The following SPTLC3 variants were observed in gnomAD, a reference collection of about 807,000 sequenced individuals.
SPTLC3 encodes serine palmitoyltransferase long chain base subunit 3.
A neutral mutation model predicts 59.3 loss-of-function variants in SPTLC3; 36 were observed. The observed-to-expected ratio is 0.61, with a 90% confidence interval of 0.47 to 0.80. The LOEUF (loss-of-function observed/expected upper bound fraction) is 0.80. Among genes scored for constraint, SPTLC3 ranks in the 30% least tolerant of loss-of-function variants. SPTLC3 has a pLI of 0.00. For missense variants in SPTLC3, 625 were observed against 685.1 expected (o/e 0.91, Z 0.98); for synonymous variants, 257 against 240.8 (o/e 1.07, Z -0.62).
At chr20:13,058,912 G>A (rs554890607) in intron 2 of SPTLC3, among the ~76,000 whole-genome samples, 94 of 152,198 alleles carry the variant, frequency 6.2e-4, no homozygotes, top group Middle Eastern at 3.4e-3. Context: ...ACCTTATTTC[G>A]AAGACCCAGC....
chr20:13,112,974 G>A (rs1274482157), intron 7 of SPTLC3, among the ~76,000 whole-genome samples: 2 of 152,154 alleles, frequency 1.3e-5, no homozygotes, highest in Admixed American at 6.6e-5. Flanking sequence ...CTTGAGGTTA[G>A]GAGTTCGAGA....
chr20:13,058,091 A>C (rs1190271351), intron 2 of SPTLC3, among the ~76,000 whole-genome samples: 4 of 152,204 alleles, frequency 2.6e-5, no homozygotes, highest in Non-Finnish European at 5.9e-5. Flanking sequence ...TAAATCACAG[A>C]CATTTCTGGC....
chr20:13,052,999 T>C (rs1987561240), intron 2 of SPTLC3, among the ~76,000 whole-genome samples: 1 of 152,158 alleles, frequency 6.6e-6, no homozygotes, highest in African/African-American at 2.4e-5. Flanking sequence ...GCCTGCTGGC[T>C]CTGAAGAGAG....
chr20:13,105,182 C>T (rs575129543), intron 6 of SPTLC3, among the ~76,000 whole-genome samples: 127 of 152,180 alleles, frequency 8.3e-4, no homozygotes, highest in Non-Finnish European at 1.8e-3. Flanking sequence ...AAGGTGGGGC[C>T]AGAATCCAGG....
chr20:13,164,954 C>A lies in SPTLC3; in HGVS notation c.*87C>A. The A allele has an allele frequency of 8.6e-7, 1 of 1,163,762 alleles. No individual in the cohort carries two copies. 72.1% of individuals were successfully genotyped at this position (1,163,762 alleles called of 1,614,324 possible). ...AAGGAATATAAATGGATTTCTCCCC[C>A]TTCCTCAGGACAATTTTGGTTCCCA... is the stretch of plus-strand genomic sequence containing the variant. On this transcript the variant is annotated 3_prime_UTR_variant, in exon 12 of 12. Coordinates refer to ENST00000399002, the MANE Select transcript of SPTLC3 (RefSeq NM_018327.4).
chr20:13,027,487 G>T (rs1011049263), intron 1 of SPTLC3, among the ~76,000 whole-genome samples: 1 of 151,974 alleles, frequency 6.6e-6, no homozygotes. Context: ...CAGACACGCC[G>T]ACTCTACATT....
In SPTLC3 at chr20:13,009,360, G is replaced by C. The variant is rs1261079757; in HGVS notation, c.93G>C (p.Lys31Asn). ...GCTCACAAAGCAGAAACTGCACAAA[G>C]AATGGAATAGTGAAGGAAGCCCAGG... Reference protein sequence around the residue: ...SNGSQSRNCTKNGIVKEAQQN... With the variant: ...SNGSQSRNCTNNGIVKEAQQN... The change falls in exon 1 of 12, where the codon AAG becomes AAC. Residue 31 changes from lysine to asparagine, a missense_variant. Physicochemically the swap from Lys to Asn is moderately conservative, Grantham distance 94. Coordinates refer to ENST00000399002, the MANE Select transcript of SPTLC3 (RefSeq NM_018327.4). 3 of 1,614,034 alleles carry C rather than the reference G, an allele frequency of 1.9e-6. No individual in the cohort carries two copies. The highest frequency in any genetic ancestry group is 1.1e-5 in the South Asian group (1 of 91,070).
At chr20:13,115,685 C>G (rs1393478073) in intron 7 of SPTLC3, among the ~76,000 whole-genome samples, 1 of 152,192 alleles carries the variant, frequency 6.6e-6, no homozygotes, top group African/African-American at 2.4e-5. Flanking sequence ...AGAACATTGT[C>G]AAGGGCTCCC....
chr20:13,061,677 A>G (rs1340931385), intron 2 of SPTLC3, among the ~76,000 whole-genome samples: 1 of 152,068 alleles, frequency 6.6e-6, no homozygotes, highest in African/African-American at 2.4e-5. Flanking sequence ...CCCAAAGTCA[A>G]ATCTGTAGGC....
chr20:13,162,561 T>C (rs1196024748), intron 11 of SPTLC3, among the ~76,000 whole-genome samples: 1 of 152,044 alleles, frequency 6.6e-6, no homozygotes, highest in Non-Finnish European at 1.5e-5. Context: ...ACCTAAAGGC[T>C]CATAGACTAG....
At chr20:13,017,833 T>C (rs1985611849) in intron 1 of SPTLC3, among the ~76,000 whole-genome samples, 1 of 152,192 alleles carries the variant, frequency 6.6e-6, no homozygotes, top group African/African-American at 2.4e-5. Context: ...CCTAATGACT[T>C]ACTTGACCAA....
chr20:13,103,204 A>C (rs1258986477), intron 6 of SPTLC3, among the ~76,000 whole-genome samples: 1 of 152,196 alleles, frequency 6.6e-6, no homozygotes, highest in Non-Finnish European at 1.5e-5. Flanking sequence ...TGACTTTCAA[A>C]AAATAATTGT....
intron 2 of SPTLC3, among the ~76,000 whole-genome samples, chr20:13,062,534 G>A (rs903669418): frequency 3.3e-5 from 5 of 152,144 alleles, no homozygotes; most frequent in African/African-American, 1.2e-4. Context: ...GAATGAGCGG[G>A]TTAAGACAAG....
chr20:13,067,774 GT>G (rs1161271815), intron 2 of SPTLC3, among the ~76,000 whole-genome samples: 5 of 152,100 alleles, frequency 3.3e-5, no homozygotes, highest in Non-Finnish European at 7.4e-5. Flanking sequence ...AGCATATTTT[GT>G]TATTATCCCA....
At chr20:13,153,892 G>C in intron 9 of SPTLC3, 111 bp from the exon 10 acceptor site, 1 of 1,403,174 alleles carries the variant, frequency 7.1e-7, no homozygotes, top group South Asian at 1.3e-5. Context: ...CCTCCTCCCA[G>C]CTAGTGCTGC....
At chr20:13,067,063 ATATATATATATATATATATATATATATAT>A (rs1988245022) in intron 2 of SPTLC3, among the ~76,000 whole-genome samples, 1 of 4,210 alleles carries the variant, frequency 2.4e-4, no homozygotes, top group Non-Finnish European at 4.5e-4. Flanking sequence ...ATATATATAT[ATATATATATATATATATATATATATATAT>A]ATATATATAT....
At chr20:13,035,250 A>T (rs1179322813) in intron 1 of SPTLC3, among the ~76,000 whole-genome samples, 1 of 152,192 alleles carries the variant, frequency 6.6e-6, no homozygotes, top group East Asian at 1.9e-4. Flanking sequence ...GAAAATAATG[A>T]CAATAACAAA....
chr20:13,018,088 G>C (rs1232702775), intron 1 of SPTLC3, among the ~76,000 whole-genome samples: 3 of 152,162 alleles, frequency 2.0e-5, no homozygotes, highest in Admixed American at 6.5e-5. Flanking sequence ...TCCAGCCCCA[G>C]GGTGTGTTTG....
intron 4 of SPTLC3, among the ~76,000 whole-genome samples, chr20:13,084,250 G>A (rs1319530850): frequency 6.6e-6 from 1 of 152,132 alleles, no homozygotes; most frequent in Admixed American, 6.5e-5. Flanking sequence ...GGAAGGAGGG[G>A]AATAAAAAGT....
Sources: allele counts gnomAD v4.1 joint callset (sites outside exome capture counted in the v4.1 genomes callset), GRCh38; gene constraint gnomAD v4.1.1; transcripts MANE v1.5; gene names NCBI Gene and HGNC (gene_info 2026-07-23, HGNC 2026-07-21).